Variants in ANKRD6 observed in about 807,000 individuals in gnomAD.
ANKRD6 encodes the protein ankyrin repeat domain-containing protein 6.
ANKRD6 carries 56 observed loss-of-function variants against 82.3 expected under a neutral mutation model. The observed-to-expected ratio is 0.68, with a 90% CI of 0.55 to 0.85. ANKRD6 has a LOEUF of 0.85. ANKRD6 is among the 40% of genes least tolerant of loss of function. The probability of loss-of-function intolerance (pLI) is 0.00; values close to 1 mark genes in which losing one functional copy is unlikely to be tolerated. For missense variants in ANKRD6, 852 were observed against 907.6 expected (o/e 0.94, Z 0.79); for synonymous variants, 347 against 352.1 (o/e 0.99, Z 0.16).
intron 2 of ANKRD6, among the ~76,000 whole-genome samples, chr6:89,567,604 C>T (rs777490649): frequency 6.6e-6 from 1 of 152,200 alleles, no homozygotes; most frequent in Non-Finnish European, 1.5e-5. Context: ...CCTGCGCCAA[C>T]AGAGAAGACT....
intron 10 of ANKRD6, among the ~76,000 whole-genome samples, chr6:89,622,824 C>T (rs1006407185): frequency 2.0e-5 from 3 of 152,082 alleles, no homozygotes; most frequent in Non-Finnish European, 4.4e-5. Flanking sequence ...AGTACTTGCT[C>T]TTCTATCTGC....
At chr6:89,493,846 T>C (rs528112602) in intron 1 of ANKRD6, among the ~76,000 whole-genome samples, 57 of 152,304 alleles carry the variant, frequency 3.7e-4, no homozygotes, top group African/African-American at 1.3e-3. Flanking sequence ...ATCCACTCTT[T>C]TGTCATATAA....
intron 2 of ANKRD6, among the ~76,000 whole-genome samples, chr6:89,593,139 T>G (rs1795222378): frequency 6.6e-6 from 1 of 152,200 alleles, no homozygotes; most frequent in African/African-American, 2.4e-5. Flanking sequence ...GCTTCTCTCC[T>G]TGCTGGTCTG....
At chr6:89,616,728 C>T (rs922057653) in intron 8 of ANKRD6, 71 bp downstream of exon 8, 1 of 1,406,674 alleles carries the variant, frequency 7.1e-7, no homozygotes, top group African/African-American at 1.4e-5. Flanking sequence ...TGTACTAAAC[C>T]CCTGCAGACC....
intron 1 of ANKRD6, among the ~76,000 whole-genome samples, chr6:89,541,238 T>C (rs1316419755): frequency 6.6e-6 from 1 of 152,078 alleles, no homozygotes; most frequent in East Asian, 1.9e-4. Context: ...TTTAACAACA[T>C]TGATTTCTTC....
chr6:89,608,156 G>A (rs919787637), intron 5 of ANKRD6, among the ~76,000 whole-genome samples: 2 of 152,276 alleles, frequency 1.3e-5, no homozygotes, highest in South Asian at 2.1e-4. Context: ...GGTCATAAAA[G>A]GGCTTACCCT....
intron 1 of ANKRD6, among the ~76,000 whole-genome samples, chr6:89,551,998 A>G (rs998923864): frequency 5.9e-5 from 9 of 152,248 alleles, no homozygotes; most frequent in African/African-American, 1.9e-4. Context: ...TAAATAATTC[A>G]TAATGATACT....
At chr6:89,474,692 C>T (rs1442592900) in intron 1 of ANKRD6, among the ~76,000 whole-genome samples, 2 of 152,188 alleles carry the variant, frequency 1.3e-5, no homozygotes, top group East Asian at 3.8e-4. Flanking sequence ...GCTGGGATTA[C>T]AGGTGTGAGC....
chr6:89,541,453 C>T (rs1253379751), intron 1 of ANKRD6, among the ~76,000 whole-genome samples: 6 of 118,162 alleles, frequency 5.1e-5, no homozygotes, highest in South Asian at 2.9e-4. Flanking sequence ...AGTGCAGTGG[C>T]GCTATCTCCG....
intron 4 of ANKRD6, among the ~76,000 whole-genome samples, 193 bp downstream of exon 4, chr6:89,603,320 ATTT>A (rs1229759944): frequency 4.4e-5 from 5 of 114,690 alleles, no homozygotes; most frequent in Admixed American, 9.4e-5. Flanking sequence ...GCCAATTGTA[ATTT>A]TTTTTTTTTT....
At chr6:89,616,358 A>G in intron 7 of ANKRD6, 1 of 576,672 alleles carries the variant, frequency 1.7e-6, no homozygotes, top group Non-Finnish European at 3.1e-6. Context: ...CTCAGAAAGA[A>G]AGGTGATATT....
intron 1 of ANKRD6, among the ~76,000 whole-genome samples, chr6:89,439,218 G>A (rs905692717): frequency 8.5e-5 from 13 of 152,168 alleles, no homozygotes; most frequent in African/African-American, 2.4e-4. Flanking sequence ...GAAAGACGGA[G>A]CAGAGAAAGA....
At chr6:89,467,929 G>A (rs1159634611) in intron 1 of ANKRD6, among the ~76,000 whole-genome samples, 6 of 152,150 alleles carry the variant, frequency 3.9e-5, no homozygotes. Flanking sequence ...AACTGTACTA[G>A]GACTTTAAAC....
intron 3 of ANKRD6, among the ~76,000 whole-genome samples, chr6:89,601,175 C>T (rs1797061323): frequency 1.3e-5 from 2 of 152,180 alleles, no homozygotes; most frequent in African/African-American, 2.4e-5. Context: ...GACCCAGCGG[C>T]CACATTCTTT....
intron 1 of ANKRD6, among the ~76,000 whole-genome samples, chr6:89,468,648 T>C (rs959913347): frequency 1.3e-5 from 2 of 149,088 alleles, no homozygotes; most frequent in East Asian, 3.9e-4. Context: ...TTTCATGGTA[T>C]CTGTCACCAC....
chr6:89,623,392 G>A lies in ANKRD6; in HGVS notation c.898-18G>A. On this transcript the variant is annotated intron_variant, in intron 10 of 15. Transcript: ENST00000339746. ...AGGAAGCAAACACAATGGGTCTCTG[G>A]GCTTTTTCCTTCTGTAGGGCAGTGT... 6.2e-7 allele frequency: 1 copy of A among 1,604,964 alleles called. No homozygotes were observed. The highest frequency in any genetic ancestry group is 8.5e-7 in the Non-Finnish European group (1 of 1,176,760).
intron 1 of ANKRD6, among the ~76,000 whole-genome samples, chr6:89,460,349 A>G (rs1773974247): frequency 6.6e-6 from 1 of 152,120 alleles, no homozygotes; most frequent in Non-Finnish European, 1.5e-5. Flanking sequence ...CAATATTTAT[A>G]TGCCAAAGCA....
intron 2 of ANKRD6, among the ~76,000 whole-genome samples, chr6:89,578,674 T>C (rs1791741698): frequency 6.6e-6 from 1 of 152,154 alleles, no homozygotes; most frequent in Non-Finnish European, 1.5e-5. Context: ...TAAAGTCAAG[T>C]TTAAAAATAT....
chr6:89,597,129 A>G (rs1796090138), intron 3 of ANKRD6, among the ~76,000 whole-genome samples: 1 of 152,246 alleles, frequency 6.6e-6, no homozygotes, highest in Non-Finnish European at 1.5e-5. Context: ...TGACTGTTTT[A>G]TGCATGGGCA....
Sources: allele counts gnomAD v4.1 joint callset (sites outside exome capture counted in the v4.1 genomes callset), GRCh38; gene constraint gnomAD v4.1.1; transcripts MANE v1.5; gene names NCBI Gene and HGNC (gene_info 2026-07-23, HGNC 2026-07-21).